The following RPS6KC1 variants were observed in gnomAD, a reference collection of about 807,000 sequenced individuals.
RPS6KC1 encodes ribosomal protein S6 kinase C1.
A neutral mutation model predicts 103.8 loss-of-function variants in RPS6KC1; 54 were observed. The ratio of observed to expected loss-of-function variants is 0.52; its 90% confidence interval spans 0.42 to 0.65. RPS6KC1 has a LOEUF of 0.65. Among genes scored for constraint, RPS6KC1 ranks in the 30% least tolerant of loss-of-function variants. RPS6KC1 has a pLI of 0.00. For synonymous variants in RPS6KC1, 439 were observed against 438.7 expected, an observed-to-expected ratio of 1.00 and a Z score of -0.01; for missense variants, 1,151 against 1,253.8, an observed-to-expected ratio of 0.92 and a Z score of 1.24.
intron 4 of RPS6KC1, among the ~76,000 whole-genome samples, chr1:213,107,376 C>T (rs574593744): frequency 1.8e-3 from 272 of 152,278 alleles, no homozygotes; most frequent in Middle Eastern, 3.4e-3. Flanking sequence ...ATTTCAAATA[C>T]ATGGAATTAC....
the RPS6KC1 span, among the ~76,000 whole-genome samples, chr1:213,540,471 G>A: frequency 6.6e-6 from 1 of 152,136 alleles, no homozygotes; most frequent in Non-Finnish European, 1.5e-5. Flanking sequence ...AGCCTCCCGA[G>A]TAGCTGGGAC....
At chr1:213,527,096 A>T in the RPS6KC1 span, among the ~76,000 whole-genome samples, 1 of 152,262 alleles carries the variant, frequency 6.6e-6, no homozygotes, top group East Asian at 1.9e-4. Context: ...TTGGTCCCAA[A>T]ATTTGAGCAG....
intron 8 of RPS6KC1, among the ~76,000 whole-genome samples, chr1:213,200,849 G>A (rs774957186): frequency 3.3e-5 from 5 of 152,146 alleles, no homozygotes; most frequent in Non-Finnish European, 7.3e-5. Context: ...CATACATGCA[G>A]CCAACAATCT....
the RPS6KC1 span, among the ~76,000 whole-genome samples, chr1:213,496,770 G>A: frequency 6.6e-6 from 1 of 152,050 alleles, no homozygotes; most frequent in Non-Finnish European, 1.5e-5. Flanking sequence ...GGGAAAAAAA[G>A]AAAAGAAACT....
the RPS6KC1 span, among the ~76,000 whole-genome samples, chr1:213,545,313 G>A: frequency 6.6e-6 from 1 of 151,758 alleles, no homozygotes; most frequent in Non-Finnish European, 1.5e-5. Flanking sequence ...GGAGGTTGCA[G>A]TGAGCTGAGA....
the RPS6KC1 span, among the ~76,000 whole-genome samples, chr1:213,458,199 G>A: frequency 6.6e-6 from 1 of 152,016 alleles, no homozygotes; most frequent in Non-Finnish European, 1.5e-5. Context: ...CCATCTTTAT[G>A]TCCATATGTA....
At chr1:213,061,478 C>T (rs1403246077) in intron 1 of RPS6KC1, among the ~76,000 whole-genome samples, 1 of 151,872 alleles carries the variant, frequency 6.6e-6, no homozygotes, top group Non-Finnish European at 1.5e-5. Context: ...CAGGGAAGAG[C>T]GGGAGAGAAG....
rs747936504 is a variant in RPS6KC1, at chr1:213,242,206, A to G, written c.2730A>G (p.Ala910=). 5.0e-6 allele frequency: 8 copies of G among 1,613,986 alleles called. No homozygotes were observed. Among genetic ancestry groups the G allele is most frequent in the East Asian group, 2.2e-5 (1 of 44,874 alleles). The change falls in exon 11 of 15, where the codon GCA becomes GCG. Residue 910 remains alanine, a synonymous_variant. Coordinates refer to ENST00000366960, the MANE Select transcript of RPS6KC1 (RefSeq NM_012424.6). ...CAGAGGGCTGCATTCAAAGATGGGC[A>G]GCTGAAATGGTGGTAGCCCTTGATG... ...YIPEGCIQRW[A]AEMVVALDAL... is the part of the protein sequence containing the mutation.
the RPS6KC1 span, among the ~76,000 whole-genome samples, chr1:213,523,886 C>T: frequency 6.6e-6 from 1 of 152,126 alleles, no homozygotes; most frequent in African/African-American, 2.4e-5. Context: ...GCTTCTTAGG[C>T]ATTCACCAGG....
At chr1:213,105,362 C>CT (rs1014312235) in intron 4 of RPS6KC1, among the ~76,000 whole-genome samples, 1 of 151,464 alleles carries the variant, frequency 6.6e-6, no homozygotes, top group African/African-American at 2.4e-5. Flanking sequence ...AAAAAGAAAT[C>CT]TAAGTGATTG....
intron 6 of RPS6KC1, among the ~76,000 whole-genome samples, chr1:213,139,885 C>T (rs2086810109): frequency 6.6e-6 from 1 of 151,848 alleles, no homozygotes; most frequent in African/African-American, 2.4e-5. Context: ...GAAAAAATGT[C>T]ATTAATAGTT....
chr1:213,621,350 G>A, the RPS6KC1 span, among the ~76,000 whole-genome samples: 20,681 of 149,344 alleles, frequency 0.14, 2,010 homozygotes, highest in East Asian at 0.3. Flanking sequence ...TTGAGGCTAG[G>A]AGTTCATGTG....
chr1:213,780,051 A>G, the RPS6KC1 span, among the ~76,000 whole-genome samples: 1 of 152,200 alleles, frequency 6.6e-6, no homozygotes, highest in African/African-American at 2.4e-5. Context: ...GGTCAAAAGA[A>G]GTAAAACATT....
the RPS6KC1 span, among the ~76,000 whole-genome samples, chr1:213,317,175 A>G: frequency 6.6e-6 from 1 of 152,218 alleles, no homozygotes; most frequent in African/African-American, 2.4e-5. Flanking sequence ...AATTGAGATA[A>G]TGGGCTCTCA....
intron 3 of RPS6KC1, among the ~76,000 whole-genome samples, chr1:213,100,121 T>C (rs1309430863): frequency 1.3e-5 from 2 of 152,212 alleles, no homozygotes; most frequent in Admixed American, 6.5e-5. Context: ...CTTACCAACA[T>C]TGGGCATTAT....
the RPS6KC1 span, among the ~76,000 whole-genome samples, chr1:213,467,500 T>C: frequency 6.6e-6 from 1 of 152,236 alleles, no homozygotes; most frequent in African/African-American, 2.4e-5. Flanking sequence ...AAAAGTTCTT[T>C]ATGTAAATGG....
At chr1:213,344,261 G>A in the RPS6KC1 span, among the ~76,000 whole-genome samples, 1 of 152,080 alleles carries the variant, frequency 6.6e-6, no homozygotes, top group African/African-American at 2.4e-5. Flanking sequence ...AACTCCAAGA[G>A]GAATGTTTTT....
At chr1:213,505,590 G>A in the RPS6KC1 span, among the ~76,000 whole-genome samples, 3 of 152,176 alleles carry the variant, frequency 2.0e-5, no homozygotes, top group Non-Finnish European at 4.4e-5. Context: ...CACATCGTAA[G>A]TGCTCAACAG....
At chr1:213,291,912 T>C in the RPS6KC1 span, among the ~76,000 whole-genome samples, 1 of 152,212 alleles carries the variant, frequency 6.6e-6, no homozygotes, top group Non-Finnish European at 1.5e-5. Flanking sequence ...CCACCTTGAA[T>C]TAATTTTTGT....
Sources: gnomAD v4.1 joint callset for allele counts (sites outside exome capture counted in the v4.1 genomes callset) on GRCh38, gnomAD v4.1.1 for gene constraint, MANE v1.5 for transcripts, NCBI Gene and HGNC (gene_info 2026-07-23, HGNC 2026-07-21) for gene names.